The following TACC2 variants were observed in gnomAD, a reference collection of about 807,000 sequenced individuals.
TACC2 encodes the protein transforming acidic coiled-coil containing protein 2, also known as transforming acidic coiled-coil-containing protein 2.
Under a neutral mutation model 227.3 loss-of-function variants are expected in TACC2, and 137 were observed. That is an observed-to-expected ratio of 0.60 (90% CI 0.52 to 0.69). The LOEUF is 0.69. TACC2 is among the 30% of genes least tolerant of loss of function. The pLI, the probability that TACC2 is intolerant of heterozygous loss-of-function variation, is 0.00. For synonymous variants in TACC2, 1,523 were observed against 1,487.5 expected (o/e 1.02, Z -0.55); for missense variants, 3,470 against 3,694.4 (o/e 0.94, Z 1.57).
chr10:122,088,525 A>G lies in TACC2; in HGVS notation c.5507A>G (p.Lys1836Arg). The G allele has an allele frequency of 1.2e-6, 2 of 1,613,908 alleles. No homozygotes were observed. The highest frequency in any genetic ancestry group is 1.7e-6 in the Non-Finnish European group (2 of 1,179,928). Residue 1836 changes from lysine to arginine, a missense_variant, in exon 5 of 23, where the codon AAG becomes AGG. Physicochemically the swap from Lys to Arg is conservative, Grantham distance 26 (BLOSUM62 2). Around this residue, in one of 10 missense-constraint regions of TACC2, gnomAD observed 1,924 missense variants for 1,978.3 expected, o/e 0.97. Transcript: ENST00000369005. ...TCCATGTTACCTTCGGTTCCTAAGA[A>G]GGATGCTCCAAGAGTCATGGATAAA... is the stretch of plus-strand genomic sequence containing the variant. ...GPSMLPSVPK[K>R]DAPRVMDKVT...
chr10:122,055,557 G>A (rs1276035826), intron 3 of TACC2, among the ~76,000 whole-genome samples: 1 of 152,174 alleles, frequency 6.6e-6, no homozygotes, highest in African/African-American at 2.4e-5. Flanking sequence ...GGGGCCTATT[G>A]GAGGGAGGAG....
At chr10:122,128,600 G>A (rs933709123) in intron 5 of TACC2, among the ~76,000 whole-genome samples, 1 of 152,166 alleles carries the variant, frequency 6.6e-6, no homozygotes, top group African/African-American at 2.4e-5. Flanking sequence ...CAGAAGTGGG[G>A]AAAAGACAGT....
rs2095079814 is a variant in TACC2 at position 122,205,687 on chromosome 10, T to G, written c.5972-4710T>G. Among the ~76,000 whole-genome samples the G allele has an allele frequency of 6.6e-6, 1 of 152,146 alleles. No individual in the cohort carries two copies. The highest frequency in any genetic ancestry group is 2.4e-5 in the African/African-American group (1 of 41,450). The stretch of plus-strand genomic sequence containing the variant: ...GGGCCCTGAGCCCCCACCCCAGCCC[T>G]GCAGAAGGAAGTGCTGCTCTGCAGA... On this transcript the variant is annotated intron_variant, in intron 8 of 22. Transcript: ENST00000369005. This position sits in a 1 kb window ranked among gnomAD's most constrained non-coding sequence, Gnocchi z 4.5.
intron 5 of TACC2, among the ~76,000 whole-genome samples, chr10:122,129,588 G>A (rs923988813): frequency 3.3e-5 from 5 of 152,184 alleles, no homozygotes; most frequent in African/African-American, 9.7e-5. Context: ...TTCAATGTGT[G>A]TTGCCAGAAC....
At chr10:122,102,351 A>G (rs1161371203) in intron 5 of TACC2, among the ~76,000 whole-genome samples, 1 of 152,190 alleles carries the variant, frequency 6.6e-6, no homozygotes, top group East Asian at 1.9e-4. Context: ...AGATCAAACC[A>G]ACTCGGCTCT....
At chr10:121,994,551 G>T (rs1021608238) in intron 1 of TACC2, 2 of 152,214 alleles carry the variant, frequency 1.3e-5, no homozygotes, top group South Asian at 2.1e-4. Flanking sequence ...CTCCCAGGCC[G>T]GCGTTCCCAA....
chr10:122,157,017 C>A (rs532654930), intron 7 of TACC2, among the ~76,000 whole-genome samples: 13 of 151,842 alleles, frequency 8.6e-5, no homozygotes, highest in Non-Finnish European at 1.6e-4. Flanking sequence ...GAGACTAAGG[C>A]GGGAGGATCA....
At chr10:122,137,500 A>G (rs1184788046) in intron 6 of TACC2, among the ~76,000 whole-genome samples, 1 of 152,146 alleles carries the variant, frequency 6.6e-6, no homozygotes, top group East Asian at 1.9e-4. Context: ...GGTTTTTTCA[A>G]TGAAACCTTC....
chr10:122,163,780 C>G, intron 7 of TACC2: 9 of 1,227,122 alleles, frequency 7.3e-6, no homozygotes, highest in Non-Finnish European at 7.1e-6. Context: ...CCGCCGCTCC[C>G]GCCGCCACGG....
Position 122,083,238 on chromosome 10 carries a change from G to A in TACC2, c.738G>A (p.Val246=). ...AGTCCAGGCAGGGGGTGGCTTCTGT[G>A]CAAGTGACCCCTGAGGCCCCTGCTG... ...PAESRQGVAS[V]QVTPEAPAAA... Residue 246 remains valine, a synonymous_variant, in exon 4 of 23, where the codon GTG becomes GTA. Coordinates refer to ENST00000369005, the MANE Select transcript of TACC2 (RefSeq NM_206862.4). 1 of 1,613,502 alleles carries A rather than the reference G, an allele frequency of 6.2e-7. No individual in the cohort carries two copies. The highest frequency in any genetic ancestry group is 1.1e-5 in the South Asian group (1 of 91,076).
At chr10:122,125,497 T>G (rs10887086) in intron 5 of TACC2, among the ~76,000 whole-genome samples, 92,849 of 152,030 alleles carry the variant, frequency 0.61, 32,743 homozygotes, top group Non-Finnish European at 0.77. Flanking sequence ...ACCATGCCCG[T>G]CCCATGACCT....
intron 2 of TACC2, among the ~76,000 whole-genome samples, chr10:122,045,013 A>G (rs1364301939): frequency 6.6e-6 from 1 of 152,170 alleles, no homozygotes; most frequent in African/African-American, 2.4e-5. Flanking sequence ...CCAGTAAGCA[A>G]TAGAGCTTAA....
At chr10:122,236,601 A>T (rs1589834795) in intron 16 of TACC2, among the ~76,000 whole-genome samples, 1 of 152,172 alleles carries the variant, frequency 6.6e-6, no homozygotes, top group Non-Finnish European at 1.5e-5. Context: ...CCTCCTCCTC[A>T]CCTGTGGGAG....
rs749273199 is a variant in TACC2 at position 122,088,582 on chromosome 10, G to A, written c.5564G>A (p.Gly1855Glu). Reference sequence around the variant, plus strand: ...TCAGATGAGACCAGAGGTGCGGAAGGAACAGAAAGGTCAGCGAAAGATATT... The same window carrying A: ...TCAGATGAGACCAGAGGTGCGGAAGAAACAGAAAGGTCAGCGAAAGATATT... ...VTSDETRGAE[G>E]TESSPVADDI... is the part of the protein sequence containing the mutation. The change falls in exon 5 of 23, where the codon GGA (glycine) becomes GAA (glutamate). Residue 1855 changes from glycine (G) to glutamate (E), a missense_variant. Coordinates refer to ENST00000369005, the MANE Select transcript of TACC2 (RefSeq NM_206862.4). 1.2e-6 allele frequency: 2 copies of A among 1,613,054 alleles called. No individual in the cohort carries two copies. Among genetic ancestry groups the A allele is most frequent in the Non-Finnish European group, 1.7e-6 (2 of 1,179,588 alleles).
At chr10:122,201,093 A>C (rs2094815659) in intron 8 of TACC2, among the ~76,000 whole-genome samples, 1 of 145,614 alleles carries the variant, frequency 6.9e-6, no homozygotes, top group Non-Finnish European at 1.5e-5. Flanking sequence ...ACCTGCCCAC[A>C]GTGGCCACAT....
chr10:122,186,111 T>C (rs1366937527), intron 7 of TACC2, among the ~76,000 whole-genome samples: 2 of 152,082 alleles, frequency 1.3e-5, no homozygotes, highest in Non-Finnish European at 2.9e-5. Context: ...GTATTTTTAG[T>C]AGAGACAGGG....
At chr10:122,056,030 G>A (rs1050989350) in intron 3 of TACC2, among the ~76,000 whole-genome samples, 7 of 152,190 alleles carry the variant, frequency 4.6e-5, no homozygotes, top group Admixed American at 3.3e-4. Flanking sequence ...CAACAGCCTG[G>A]AGTCTTAGCT....
chr10:122,070,468 G>A (rs1196267710), intron 3 of TACC2, among the ~76,000 whole-genome samples: 1 of 151,970 alleles, frequency 6.6e-6, no homozygotes, highest in Non-Finnish European at 1.5e-5. Context: ...AATTAGCCAG[G>A]TTTGGGTCAG....
rs560590906 is a variant in TACC2 at position 122,086,001 on chromosome 10, C to T, written c.3501C>T (p.Thr1167=). ...CGLLQTEHCL[T]SGEEASTSAL... Reference sequence around the variant, plus strand: ...TCCTTCAGACTGAGCACTGCCTTACCTCCGGGGAGGAAGCTTCTACCTCTG... The same window carrying T: ...TCCTTCAGACTGAGCACTGCCTTACTTCCGGGGAGGAAGCTTCTACCTCTG... Residue 1167 remains threonine (T), a synonymous_variant, in exon 4 of 23, where the codon ACC becomes ACT. Transcript: ENST00000369005. 1 of 1,613,998 alleles carries T rather than the reference C, an allele frequency of 6.2e-7. No individual in the cohort carries two copies. The highest frequency in any genetic ancestry group is 1.1e-5 in the South Asian group (1 of 91,078).
Sources: gnomAD v4.1 joint callset for allele counts (sites outside exome capture counted in the v4.1 genomes callset) on GRCh38, gnomAD v4.1.1 for gene constraint, gnomAD v4.1.1 regional missense constraint, Gnocchi (gnomAD v3.1) non-coding constraint, MANE v1.5 for transcripts, NCBI Gene and HGNC (gene_info 2026-07-23, HGNC 2026-07-21) for gene names.